NBAS: variants seen among roughly 807,000 people sequenced by gnomAD.
The protein encoded by NBAS is NAG/BC035112 fusion.
In NBAS, 219 loss-of-function variants were observed where a neutral mutation model predicts 302.5. The ratio of observed to expected loss-of-function variants is 0.72; its 90% CI spans 0.65 to 0.81. The LOEUF (loss-of-function observed/expected upper bound fraction) is 0.81, where lower values mean the gene tolerates loss of function less well. Among genes scored for constraint, NBAS ranks in the 30% least tolerant of loss-of-function variants. The pLI is 0.00. For missense variants in NBAS, 2,932 were observed against 2,841.6 expected (o/e 1.03, Z -0.72); for synonymous variants, 1,118 against 1,021.6 (o/e 1.09, Z -1.80).
chr2:14,846,822 AC>A, the NBAS span, among the ~76,000 whole-genome samples: 2 of 152,164 alleles, frequency 1.3e-5, no homozygotes, highest in African/African-American at 4.8e-5. Context: ...AAATGGACAC[AC>A]AAAAAAATTA....
At position 15,328,191 on chromosome 2, in the gene NBAS, G is replaced by A; in HGVS notation, c.4461+8C>T. On this transcript the variant is annotated splice_region_variant and intron_variant, in intron 37 of 51. Transcript: ENST00000281513. ...TTAAATCTATCTTCCTAGACACGCT[G>A]TCCTTACCTCAGCGACAAAAGGATT... 6.2e-7 allele frequency: 1 copy of A among 1,609,058 alleles called. No homozygotes were observed. Among genetic ancestry groups the A allele is most frequent in the Non-Finnish European group, 8.5e-7 (1 of 1,175,804 alleles).
At chr2:15,535,944 T>G (rs1261979519) in intron 8 of NBAS, among the ~76,000 whole-genome samples, 1 of 152,192 alleles carries the variant, frequency 6.6e-6, no homozygotes, top group Non-Finnish European at 1.5e-5. Flanking sequence ...GGAAGGGGCA[T>G]GAGGGAACTT....
At chr2:15,173,837 G>A (rs146068439) in intron 51 of NBAS, among the ~76,000 whole-genome samples, 5 of 152,244 alleles carry the variant, frequency 3.3e-5, no homozygotes, top group African/African-American at 9.6e-5. Flanking sequence ...TGCTACCTTC[G>A]TTAATTCTTC....
chr2:15,059,264 C>A, the NBAS span, among the ~76,000 whole-genome samples: 8 of 152,244 alleles, frequency 5.3e-5, no homozygotes, highest in Non-Finnish European at 1.2e-4. Flanking sequence ...ACCTTACTGT[C>A]TCATAGCCTT....
rs933966233 is a variant in NBAS, at chr2:15,393,979, A to G, written c.3257+248T>C. On this transcript the variant is annotated intron_variant, in intron 28 of 51. Coordinates refer to ENST00000281513, the MANE Select transcript of NBAS (RefSeq NM_015909.4). ...GAAGGGAGCACGATAAAGAAAAGCA[A>G]GAGAGAAAGGATTCTAAAGGAGTAA... 3.9e-5 allele frequency among the ~76,000 whole-genome samples: 6 copies of G among 152,236 alleles called. No individual in the cohort carries two copies. The East Asian group carries it at 9.6e-4, about 24-fold the overall frequency.
chr2:15,540,729 GT>G (rs35180334), intron 6 of NBAS, among the ~76,000 whole-genome samples: 92,087 of 146,122 alleles, frequency 0.63, 29,370 homozygotes, highest in Non-Finnish European at 0.67. Context: ...TTTGTTTTTT[GT>G]TTTTTTTTTT....
At chr2:15,129,409 G>C in the NBAS span, among the ~76,000 whole-genome samples, 2 of 152,120 alleles carry the variant, frequency 1.3e-5, no homozygotes, top group African/African-American at 4.8e-5. Flanking sequence ...GAGAATGGGG[G>C]CTCAGGACAG....
the NBAS span, among the ~76,000 whole-genome samples, chr2:15,003,061 C>G: frequency 6.6e-6 from 1 of 152,242 alleles, no homozygotes; most frequent in Non-Finnish European, 1.5e-5. Context: ...CGAGAGCGAG[C>G]GAGGGCTGTG....
the NBAS span, among the ~76,000 whole-genome samples, chr2:14,919,532 A>C: frequency 6.6e-6 from 1 of 152,198 alleles, no homozygotes; most frequent in Non-Finnish European, 1.5e-5. Flanking sequence ...TTTACAAAAT[A>C]TGTTTCTGCA....
At chr2:15,000,686 G>A in the NBAS span, among the ~76,000 whole-genome samples, 2 of 152,158 alleles carry the variant, frequency 1.3e-5, no homozygotes, top group South Asian at 4.1e-4. Context: ...TTAATACCGA[G>A]AGGTGAAGGA....
At chr2:15,532,452 G>A (rs1663266291) in intron 9 of NBAS, among the ~76,000 whole-genome samples, 1 of 138,256 alleles carries the variant, frequency 7.2e-6, no homozygotes, top group Non-Finnish European at 1.5e-5. Context: ...TTGCGCCACT[G>A]CACTCCAGCC....
the NBAS span, among the ~76,000 whole-genome samples, chr2:14,843,458 A>T: frequency 6.6e-6 from 1 of 152,110 alleles, no homozygotes; most frequent in Non-Finnish European, 1.5e-5. Flanking sequence ...TGATAAACAA[A>T]TTCAATAAAG....
At chr2:15,364,180 G>C (rs959842550) in intron 32 of NBAS, among the ~76,000 whole-genome samples, 6 of 152,202 alleles carry the variant, frequency 3.9e-5, no homozygotes, top group African/African-American at 1.4e-4. Context: ...GTCTAACTGA[G>C]TCCAAGAATA....
the NBAS span, among the ~76,000 whole-genome samples, chr2:15,143,531 T>C: frequency 6.6e-6 from 1 of 152,182 alleles, no homozygotes; most frequent in Non-Finnish European, 1.5e-5. Context: ...ATGGACTGGA[T>C]GAATTCTCCA....
the NBAS span, among the ~76,000 whole-genome samples, chr2:15,141,572 C>T: frequency 1.3e-5 from 2 of 152,172 alleles, no homozygotes; most frequent in Non-Finnish European, 2.9e-5. Flanking sequence ...TAAACTGAAG[C>T]TGAGGAAAGA....
At chr2:15,282,856 A>G (rs940565661) in intron 42 of NBAS, among the ~76,000 whole-genome samples, 9 of 152,152 alleles carry the variant, frequency 5.9e-5, no homozygotes, top group African/African-American at 1.9e-4. Flanking sequence ...TAGTTACTCA[A>G]AAACACCAAG....
At chr2:14,986,853 T>C in the NBAS span, among the ~76,000 whole-genome samples, 4 of 152,132 alleles carry the variant, frequency 2.6e-5, no homozygotes, top group Non-Finnish European at 5.9e-5. Context: ...AGAAATGCCA[T>C]CATTTGATCA....
At chr2:14,845,966 G>A in the NBAS span, among the ~76,000 whole-genome samples, 1 of 152,008 alleles carries the variant, frequency 6.6e-6, no homozygotes, top group African/African-American at 2.4e-5. Flanking sequence ...TAAAATGAAG[G>A]TAGAGATAGG....
intron 22 of NBAS, among the ~76,000 whole-genome samples, chr2:15,425,173 T>C (rs1259986361): frequency 1.4e-5 from 2 of 142,698 alleles, no homozygotes; most frequent in African/African-American, 2.6e-5. Flanking sequence ...AAAAAAAAAA[T>C]ACAAAGTAAC....
Sources: gnomAD v4.1 joint callset for allele counts (sites outside exome capture counted in the v4.1 genomes callset) on GRCh38, gnomAD v4.1.1 for gene constraint, MANE v1.5 for transcripts, NCBI Gene and HGNC (gene_info 2026-07-23, HGNC 2026-07-21) for gene names.